Variants in NRXN1 observed in about 807,000 individuals in gnomAD.
The protein encoded by NRXN1 is neurexin-1.
NRXN1 carries 39 observed loss-of-function variants against 150.9 expected under a neutral mutation model. The ratio of observed to expected loss-of-function variants is 0.26; its 90% CI spans 0.20 to 0.34. The LOEUF (loss-of-function observed/expected upper bound fraction) is 0.34. NRXN1 is among the 10% of genes least tolerant of loss of function. The pLI, the probability that NRXN1 is intolerant of heterozygous loss-of-function variation, is 1.00. For synonymous variants in NRXN1, 924 were observed against 757.0 expected (o/e 1.22, Z -3.62); for missense variants, 1,815 against 1,949.9 (o/e 0.93, Z 1.30).
At chr2:50,276,287 A>T (rs1356072464) in intron 17 of NRXN1, among the ~76,000 whole-genome samples, 3 of 152,130 alleles carry the variant, frequency 2.0e-5, no homozygotes, top group South Asian at 4.1e-4. Context: ...AAAGCCTAAC[A>T]CTCATTGTGC....
intron 5 of NRXN1, among the ~76,000 whole-genome samples, chr2:50,755,379 G>A (rs1194940178): frequency 6.6e-6 from 1 of 151,750 alleles, no homozygotes; most frequent in Non-Finnish European, 1.5e-5. Context: ...AGTCAGCAAT[G>A]CATGTTCCAA....
chr2:49,989,879 CAT>C (rs1681620626), intron 21 of NRXN1, among the ~76,000 whole-genome samples: 1 of 152,014 alleles, frequency 6.6e-6, no homozygotes, highest in Non-Finnish European at 1.5e-5. Flanking sequence ...GAAAAAATGA[CAT>C]AGCATTATTT....
chr2:50,217,525 G>T (rs1385963916), intron 18 of NRXN1, among the ~76,000 whole-genome samples: 1 of 151,820 alleles, frequency 6.6e-6, no homozygotes, highest in Non-Finnish European at 1.5e-5. Flanking sequence ...TAGGTATGTA[G>T]TTTTTTTTAA....
At chr2:50,709,247 T>C (rs1208988710) in intron 5 of NRXN1, among the ~76,000 whole-genome samples, 1 of 152,178 alleles carries the variant, frequency 6.6e-6, no homozygotes, top group Non-Finnish European at 1.5e-5. Context: ...ACCTGTTATA[T>C]GCTTGCTAGG....
intron 17 of NRXN1, among the ~76,000 whole-genome samples, chr2:50,318,269 T>C (rs868076218): frequency 1.6e-4 from 25 of 152,084 alleles, no homozygotes; most frequent in Middle Eastern, 3.2e-3. Flanking sequence ...GAAATACCAT[T>C]GTACAATCAC....
At chr2:50,485,386 T>C (rs1218278317) in intron 15 of NRXN1, among the ~76,000 whole-genome samples, 10 of 152,192 alleles carry the variant, frequency 6.6e-5, no homozygotes, top group African/African-American at 2.2e-4. Flanking sequence ...TTGAAGTAGC[T>C]CGTACTATGC....
intron 5 of NRXN1, among the ~76,000 whole-genome samples, chr2:50,888,726 T>A (rs1372127529): frequency 2.0e-5 from 3 of 151,616 alleles, no homozygotes; most frequent in Admixed American, 2.0e-4. Flanking sequence ...CAATGTATTC[T>A]CAATAATCAT....
At chr2:50,745,626 T>G (rs966937043) in intron 5 of NRXN1, among the ~76,000 whole-genome samples, 2 of 152,054 alleles carry the variant, frequency 1.3e-5, no homozygotes, top group Admixed American at 6.6e-5. Flanking sequence ...GTTTAATTGA[T>G]TCACAGATCA....
At chr2:50,297,626 G>A (rs986240109) in intron 17 of NRXN1, among the ~76,000 whole-genome samples, 1 of 152,174 alleles carries the variant, frequency 6.6e-6, no homozygotes, top group African/African-American at 2.4e-5. Flanking sequence ...TTTCACAACA[G>A]AAGTCTCAAG....
chr2:50,808,611 C>CA (rs1193732528), intron 5 of NRXN1, among the ~76,000 whole-genome samples: 25 of 152,020 alleles, frequency 1.6e-4, no homozygotes, highest in African/African-American at 5.6e-4. Flanking sequence ...AAAACTAGAG[C>CA]AATTGAGGGC....
chr2:50,537,150 T>A (rs943587005), intron 10 of NRXN1, among the ~76,000 whole-genome samples: 4 of 152,184 alleles, frequency 2.6e-5, no homozygotes, highest in Admixed American at 2.0e-4. Flanking sequence ...ACCCCTCTTT[T>A]TCCTAGGAGG....
intron 12 of NRXN1, among the ~76,000 whole-genome samples, chr2:50,521,416 C>T: frequency 6.6e-6 from 1 of 152,210 alleles, no homozygotes; most frequent in East Asian, 1.9e-4. Flanking sequence ...AATAAACAAT[C>T]CAATTTTAAG....
At chr2:50,995,263 C>A (rs922705454) in intron 2 of NRXN1, among the ~76,000 whole-genome samples, 1 of 151,892 alleles carries the variant, frequency 6.6e-6, no homozygotes, top group African/African-American at 2.4e-5. Context: ...GTAGTTGGGA[C>A]AACCCGAGGT....
At chr2:50,740,411 G>A (rs1451922263) in intron 5 of NRXN1, among the ~76,000 whole-genome samples, 1 of 152,144 alleles carries the variant, frequency 6.6e-6, no homozygotes, top group African/African-American at 2.4e-5. Context: ...CCCATTTTGT[G>A]ATCACAGTGC....
At chr2:51,022,654 C>T (rs1405139966) in intron 2 of NRXN1, among the ~76,000 whole-genome samples, 1 of 152,140 alleles carries the variant, frequency 6.6e-6, no homozygotes, top group East Asian at 1.9e-4. Context: ...CCTTTTCCTA[C>T]AATGGCAGAC....
At chr2:50,759,068 G>A (rs1701491564) in intron 5 of NRXN1, among the ~76,000 whole-genome samples, 1 of 152,012 alleles carries the variant, frequency 6.6e-6, no homozygotes, top group Admixed American at 6.6e-5. Context: ...CTTTGCAAAT[G>A]CATAAATATG....
intron 17 of NRXN1, among the ~76,000 whole-genome samples, chr2:50,342,679 T>TG: frequency 6.6e-6 from 1 of 152,242 alleles, no homozygotes; most frequent in East Asian, 1.9e-4. Flanking sequence ...TGTTAAAACA[T>TG]GCTTGAAGCA....
intron 8 of NRXN1, among the ~76,000 whole-genome samples, chr2:50,614,636 T>TAAAA (rs374009480): frequency 9.8e-5 from 12 of 122,392 alleles, no homozygotes; most frequent in Admixed American, 2.8e-4. Context: ...TAAAGTATAA[T>TAAAA]AAAAATATAT....
chr2:50,778,060 T>C (rs1703876290), intron 5 of NRXN1, among the ~76,000 whole-genome samples: 1 of 152,142 alleles, frequency 6.6e-6, no homozygotes, highest in Admixed American at 6.5e-5. Context: ...TTTACACACC[T>C]CCTCCCCCCC....
Sources: gnomAD v4.1 joint callset for allele counts (sites outside exome capture counted in the v4.1 genomes callset) on GRCh38, gnomAD v4.1.1 for gene constraint, MANE v1.5 for transcripts, NCBI Gene and HGNC (gene_info 2026-07-23, HGNC 2026-07-21) for gene names.